The following CACNA2D1 variants were observed in gnomAD, a reference collection of about 807,000 sequenced individuals.
The protein encoded by CACNA2D1 is calcium voltage-gated channel auxiliary subunit alpha2delta 1.
Under a neutral mutation model 171.5 loss-of-function variants are expected in CACNA2D1, and 53 were observed. That is an observed-to-expected ratio of 0.31 (90% CI 0.25 to 0.39). The LOEUF (loss-of-function observed/expected upper bound fraction) is 0.39. Ranked by LOEUF, CACNA2D1 falls within the 10% of genes least tolerant of loss-of-function variation. The probability of loss-of-function intolerance (pLI) is 1.00; values close to 1 mark genes in which losing one functional copy is unlikely to be tolerated. For missense variants in CACNA2D1, 903 were observed against 1,299.8 expected, an observed-to-expected ratio of 0.69 and a Z score of 4.69; for synonymous variants, 442 against 443.1, an observed-to-expected ratio of 1.00 and a Z score of 0.03.
intron 3 of CACNA2D1, among the ~76,000 whole-genome samples, chr7:82,229,115 T>C (rs1802641411): frequency 1.3e-5 from 2 of 152,184 alleles, no homozygotes; most frequent in African/African-American, 4.8e-5. Flanking sequence ...CCCTCCACTT[T>C]ACATAATGAA....
intron 3 of CACNA2D1, among the ~76,000 whole-genome samples, chr7:82,270,099 C>T (rs927259234): frequency 6.6e-6 from 1 of 152,166 alleles, no homozygotes; most frequent in East Asian, 1.9e-4. Context: ...GCTTTATAGG[C>T]CCATAACTTG....
At chr7:82,298,892 G>A (rs746464038) in intron 3 of CACNA2D1, among the ~76,000 whole-genome samples, 94 of 151,510 alleles carry the variant, frequency 6.2e-4, no homozygotes, top group Non-Finnish European at 1.2e-3. Flanking sequence ...GTGAAACCCC[G>A]TCTCTACTAA....
At chr7:82,003,490 T>C (rs1040532311) in intron 18 of CACNA2D1, among the ~76,000 whole-genome samples, 1 of 151,620 alleles carries the variant, frequency 6.6e-6, no homozygotes, top group African/African-American at 2.4e-5. Context: ...ACATAAATAC[T>C]GGTTATTAGT....
intron 5 of CACNA2D1, among the ~76,000 whole-genome samples, chr7:82,129,992 T>C (rs1330765086): frequency 6.6e-6 from 1 of 152,128 alleles, no homozygotes; most frequent in Non-Finnish European, 1.5e-5. Flanking sequence ...TGGACTAAGG[T>C]TGGGATAGTA....
chr7:82,164,305 A>G (rs933680320), intron 4 of CACNA2D1, among the ~76,000 whole-genome samples: 1 of 152,042 alleles, frequency 6.6e-6, no homozygotes, highest in Non-Finnish European at 1.5e-5. Context: ...CCACGGTTTT[A>G]TCCCCAAGAA....
chr7:82,427,215 T>C (rs1340184131), intron 1 of CACNA2D1, among the ~76,000 whole-genome samples: 2 of 152,110 alleles, frequency 1.3e-5, no homozygotes, highest in Non-Finnish European at 2.9e-5. Context: ...TAGCAAAATG[T>C]TTAAAAGAGA....
intron 6 of CACNA2D1, among the ~76,000 whole-genome samples, chr7:82,099,536 G>A (rs1238684752): frequency 3.2e-5 from 2 of 62,860 alleles, no homozygotes; most frequent in African/African-American, 5.1e-5. Context: ...TGCAAGCTCC[G>A]CCTCCCGGGT....
intron 3 of CACNA2D1, among the ~76,000 whole-genome samples, chr7:82,231,991 CATTCT>C (rs1372533737): frequency 1.3e-5 from 2 of 152,088 alleles, no homozygotes; most frequent in African/African-American, 4.8e-5. Context: ...AATAAACTGT[CATTCT>C]ATTTTATTAC....
At chr7:82,284,617 C>T (rs1810523656) in intron 3 of CACNA2D1, among the ~76,000 whole-genome samples, 1 of 152,176 alleles carries the variant, frequency 6.6e-6, no homozygotes, top group African/African-American at 2.4e-5. Context: ...TGAGTCCTCA[C>T]ATGGCAGGAG....
intron 1 of CACNA2D1, among the ~76,000 whole-genome samples, chr7:82,383,191 A>G (rs532674614): frequency 4.3e-4 from 65 of 152,320 alleles, no homozygotes; most frequent in Non-Finnish European, 6.6e-4. Flanking sequence ...TCTGCACTAG[A>G]CAAGTTTACA....
chr7:82,121,715 A>T (rs779176338), intron 5 of CACNA2D1, among the ~76,000 whole-genome samples: 1 of 152,022 alleles, frequency 6.6e-6, no homozygotes, highest in Admixed American at 6.6e-5. Context: ...TCATAACAAA[A>T]AATAAAATTT....
intron 3 of CACNA2D1, among the ~76,000 whole-genome samples, chr7:82,264,151 A>T (rs1356005792): frequency 1.3e-5 from 2 of 152,182 alleles, no homozygotes. Flanking sequence ...CTGGTGACAG[A>T]TGTTTCTGAA....
intron 5 of CACNA2D1, among the ~76,000 whole-genome samples, chr7:82,133,219 G>A (rs1285785074): frequency 6.6e-6 from 1 of 151,850 alleles, no homozygotes; most frequent in Non-Finnish European, 1.5e-5. Context: ...ATTCAGACTT[G>A]TGTAAAATAA....
intron 3 of CACNA2D1, among the ~76,000 whole-genome samples, chr7:82,332,144 T>C (rs2129443863): frequency 6.6e-6 from 1 of 152,328 alleles, no homozygotes; most frequent in South Asian, 2.1e-4. Flanking sequence ...CACTGCATCC[T>C]CTGCCTCCCG....
chr7:82,311,738 A>C lies in CACNA2D1; in HGVS notation c.294+23397T>G, dbSNP rs1345369554. Among the ~76,000 whole-genome samples the C allele has an allele frequency of 2.6e-5, 4 of 152,200 alleles. No individual in the cohort carries two copies. In the East Asian group the frequency reaches 7.7e-4, roughly 29 times the overall value. On this transcript the variant is annotated intron_variant, in intron 3 of 38. Coordinates refer to ENST00000356860, the MANE Select transcript of CACNA2D1 (RefSeq NM_000722.4). ...TTATTTTGTAACAGGACACAATTGA[A>C]GACACTGGTTATTTTACCCAGGCTT...
chr7:82,366,270 T>C (rs1363215839), intron 1 of CACNA2D1, among the ~76,000 whole-genome samples: 1 of 152,198 alleles, frequency 6.6e-6, no homozygotes, highest in Non-Finnish European at 1.5e-5. Context: ...AGGTTTGTTA[T>C]ATGCGTATAT....
At chr7:82,188,510 G>A (rs1201144494) in intron 3 of CACNA2D1, among the ~76,000 whole-genome samples, 1 of 152,048 alleles carries the variant, frequency 6.6e-6, no homozygotes, top group African/African-American at 2.4e-5. Flanking sequence ...TTGGTACAAT[G>A]TCTATCTACT....
At chr7:82,261,455 T>C (rs1488952764) in intron 3 of CACNA2D1, among the ~76,000 whole-genome samples, 1 of 152,238 alleles carries the variant, frequency 6.6e-6, no homozygotes. Flanking sequence ...ATTTCCATTT[T>C]AGTAAGCTTT....
intron 1 of CACNA2D1, among the ~76,000 whole-genome samples, chr7:82,424,620 A>T (rs1183623991): frequency 6.6e-6 from 1 of 152,216 alleles, no homozygotes; most frequent in Admixed American, 6.5e-5. Flanking sequence ...ATTGTTTTAT[A>T]ATTTTTCTAC....
Sources: allele counts gnomAD v4.1 joint callset (sites outside exome capture counted in the v4.1 genomes callset), GRCh38; gene constraint gnomAD v4.1.1; transcripts MANE v1.5; gene names NCBI Gene and HGNC (gene_info 2026-07-23, HGNC 2026-07-21).